The following NADSYN1 variants were observed in gnomAD, a reference collection of about 807,000 sequenced individuals.
NADSYN1 encodes the protein glutamine-dependent NAD(+) synthetase.
NADSYN1 carries 80 observed loss-of-function variants against 99.3 expected under a neutral mutation model. The ratio of observed to expected loss-of-function variants is 0.81; its 90% CI spans 0.67 to 0.97. The LOEUF is 0.97. NADSYN1 is among the 50% of genes least tolerant of loss of function. The pLI, the probability that NADSYN1 is intolerant of heterozygous loss-of-function variation, is 0.00. For synonymous variants in NADSYN1, 385 were observed against 372.1 expected, an observed-to-expected ratio of 1.03 and a Z score of -0.40; for missense variants, 859 against 948.5, an observed-to-expected ratio of 0.91 and a Z score of 1.24.
rs1408643238 is a variant in NADSYN1 at position 71,480,800 on chromosome 11, C to A, written c.919C>A (p.Leu307Ile). ...CCCCAGAGTGAAGGTGGACTTTGCCCTCTCGTGCCACGAGGACTTGCTGGC... is the reference window on the plus strand; with the variant it reads ...CCCCAGAGTGAAGGTGGACTTTGCCATCTCGTGCCACGAGGACTTGCTGGC... ...PYPRVKVDFALSCHEDLLAPI... is the reference protein window; with the variant it reads ...PYPRVKVDFAISCHEDLLAPI... The change falls in exon 11 of 21, where the codon CTC (leucine) becomes ATC (isoleucine). Residue 307 changes from leucine to isoleucine, a missense_variant. Physicochemically the swap from Leu to Ile is conservative, Grantham distance 5. Transcript: ENST00000319023. The A allele has an allele frequency of 6.2e-7, 1 of 1,614,092 alleles. No homozygotes were observed. Among genetic ancestry groups the A allele is most frequent in the African/African-American group, 1.3e-5 (1 of 74,940 alleles).
At chr11:71,501,155 G>GCA in intron 20 of NADSYN1, 147 bp from the exon 21 acceptor site, 1 of 703,580 alleles carries the variant, frequency 1.4e-6, no homozygotes, top group Middle Eastern at 4.3e-4. Context: ...GGCTTTTCCA[G>GCA]CACACACGCC....
chr11:71,492,237 C>T (rs1949785414), intron 18 of NADSYN1, among the ~76,000 whole-genome samples: 1 of 152,168 alleles, frequency 6.6e-6, no homozygotes, highest in Non-Finnish European at 1.5e-5. Flanking sequence ...CCCTCGACTC[C>T]TCCACTGCAT....
chr11:71,501,315 A>C lies in NADSYN1; in HGVS notation c.2084A>C (p.Glu695Ala). 1.2e-6 allele frequency: 2 copies of C among 1,600,660 alleles called. No homozygotes were observed. Among genetic ancestry groups the C allele is most frequent in the Non-Finnish European group, 1.7e-6 (2 of 1,173,846 alleles). The change falls in exon 21 of 21, where the codon GAG (glutamate) becomes GCG (alanine). Residue 695 changes from glutamate to alanine, a missense_variant. By Grantham distance (107) the Glu-to-Ala change is moderately radical. Coordinates refer to ENST00000319023, the MANE Select transcript of NADSYN1 (RefSeq NM_018161.5). ...RCIENQVLQL[E>A]RAEPQSLDGV... The stretch of plus-strand genomic sequence containing the variant: ...CTCTCTTTCCAGGTGCTACAGCTCG[A>C]GAGGGCAGAGCCACAGTCCCTGGAC...
In NADSYN1 at chr11:71,482,683, G is replaced by C. The variant is rs1460075632; in HGVS notation, c.1151-166G>C. On this transcript the variant is annotated intron_variant, in intron 13 of 20. Coordinates refer to ENST00000319023, the MANE Select transcript of NADSYN1 (RefSeq NM_018161.5). ...TGGGGGTGTAGACTGGGGTGGAGCCGCACAGGCACCTGGGGGTGTAGACCG... is the reference window on the plus strand; with the variant it reads ...TGGGGGTGTAGACTGGGGTGGAGCCCCACAGGCACCTGGGGGTGTAGACCG... 3.0e-5 allele frequency: 16 copies of C among 539,084 alleles called. 2 individuals carry two copies. The highest frequency in any genetic ancestry group is 4.8e-5 in the Non-Finnish European group (15 of 310,114). The allele number at this position is 539,084 out of a possible 1,614,324, so 33.4% of individuals were successfully genotyped here. A position where few individuals can be genotyped will look rare whatever the true frequency, so the allele number is the denominator to read the frequency against.
Position 71,481,951 on chromosome 11 carries a change from G to C in NADSYN1, c.1076G>C (p.Gly359Ala), listed in dbSNP as rs151210839. The change falls in exon 13 of 21, where the codon GGG becomes GCG. Residue 359 changes from glycine to alanine, a missense_variant. By Grantham distance (60) the Gly-to-Ala change is moderately conservative. Transcript: ENST00000319023. ...GGGTTTTTGCTGCCCTTGAGTGGCG[G>C]GGTGGACAGCGCAGCCACCGCCTGC... ...QAGFLLPLSG[G>A]VDSAATACLI... is the part of the protein sequence containing the mutation. The C allele has an allele frequency of 6.2e-7, 1 of 1,609,798 alleles. No homozygotes were observed. Among genetic ancestry groups the C allele is most frequent in the African/African-American group, 1.3e-5 (1 of 74,826 alleles).
At chr11:71,495,057 C>T (rs1591136956) in intron 18 of NADSYN1, among the ~76,000 whole-genome samples, 1 of 152,040 alleles carries the variant, frequency 6.6e-6, no homozygotes, top group Non-Finnish European at 1.5e-5. Flanking sequence ...TTTCCTTCCT[C>T]GTGCTGGCTT....
intron 10 of NADSYN1, chr11:71,478,875 G>T (rs1394531079): frequency 2.2e-5 from 4 of 183,574 alleles, no homozygotes; most frequent in African/African-American, 6.9e-5. Context: ...TGGAGGCAAG[G>T]TCCAAGGCAC....
intron 1 of NADSYN1, among the ~76,000 whole-genome samples, chr11:71,453,860 G>T (rs550344821): frequency 5.3e-5 from 8 of 152,202 alleles, no homozygotes; most frequent in African/African-American, 1.4e-4. Flanking sequence ...CCAGCATTTT[G>T]GGGGGGCCGG....
chr11:71,479,450 A>G (rs559639250), intron 10 of NADSYN1: 1 of 152,058 alleles, frequency 6.6e-6, no homozygotes, highest in Admixed American at 6.5e-5. Flanking sequence ...CAATGTATCC[A>G]TTTAAGCACC....
chr11:71,490,224 G>T (rs145979319), intron 16 of NADSYN1, among the ~76,000 whole-genome samples: 2 of 152,154 alleles, frequency 1.3e-5, no homozygotes, highest in Non-Finnish European at 2.9e-5. Context: ...GCGGCCTCGC[G>T]TCTCTGCCTT....
intron 4 of NADSYN1, 126 bp from the exon 5 acceptor site, chr11:71,463,927 G>C: frequency 1.4e-6 from 1 of 707,414 alleles, no homozygotes; most frequent in Non-Finnish European, 2.4e-6. Flanking sequence ...AGAGAGATTT[G>C]CTCGGGGCCC....
intron 14 of NADSYN1, among the ~76,000 whole-genome samples, chr11:71,483,309 G>A (rs3794067): frequency 0.89 from 135,694 of 152,144 alleles, 60,988 homozygotes; most frequent in Non-Finnish European, 0.95. Flanking sequence ...GAAGCTGTGT[G>A]TGAGTCCTCC....
intron 5 of NADSYN1, chr11:71,464,395 A>C: frequency 4.7e-6 from 2 of 421,672 alleles, no homozygotes; most frequent in Non-Finnish European, 8.7e-6. Flanking sequence ...CGGTTACACA[A>C]TGTCCCGGGG....
At chr11:71,481,792 C>T in intron 12 of NADSYN1, 131 bp from the exon 13 acceptor site, 1 of 711,918 alleles carries the variant, frequency 1.4e-6, no homozygotes, top group Non-Finnish European at 2.4e-6. Flanking sequence ...GTCCTGACCC[C>T]ATGGAAAGTG....
At chr11:71,475,164 A>G (rs1055615043) in intron 9 of NADSYN1, 37 of 163,858 alleles carry the variant, frequency 2.3e-4, no homozygotes, top group Admixed American at 9.4e-4. Context: ...AGGTCCAGGG[A>G]TCCCATGTAT....
intron 3 of NADSYN1, among the ~76,000 whole-genome samples, chr11:71,462,424 G>T (rs1264274794): frequency 6.6e-6 from 1 of 152,102 alleles, no homozygotes; most frequent in Non-Finnish European, 1.5e-5. Flanking sequence ...CTGGAAGCCC[G>T]TCCCTGGCCC....
chr11:71,498,222 T>C, intron 19 of NADSYN1, 130 bp from the exon 20 acceptor site: 1 of 1,039,612 alleles, frequency 9.6e-7, no homozygotes, highest in Non-Finnish European at 1.4e-6. Context: ...CCCCCACACC[T>C]GCCATCGTGG....
At chr11:71,495,267 T>C (rs909232819) in intron 18 of NADSYN1, among the ~76,000 whole-genome samples, 9 of 152,262 alleles carry the variant, frequency 5.9e-5, no homozygotes, top group Non-Finnish European at 1.0e-4. Flanking sequence ...CCTTGGTGAC[T>C]TCCTCCTTGA....
chr11:71,459,909 C>A (rs1046543358), intron 3 of NADSYN1: 1 of 152,340 alleles, frequency 6.6e-6, no homozygotes, highest in Admixed American at 6.5e-5. Flanking sequence ...TCCATGGACA[C>A]AAAACACACA....
Sources: gnomAD v4.1 joint callset for allele counts (sites outside exome capture counted in the v4.1 genomes callset) on GRCh38, gnomAD v4.1.1 for gene constraint, MANE v1.5 for transcripts, NCBI Gene and HGNC (gene_info 2026-07-23, HGNC 2026-07-21) for gene names.